The following USP11 variants were observed in gnomAD, a reference collection of about 807,000 sequenced individuals.
USP11 encodes the protein ubiquitin carboxyl-terminal hydrolase 11.
Under a neutral mutation model 72.8 loss-of-function variants are expected in USP11, and 5 were observed. The ratio of observed to expected loss-of-function variants is 0.07; its 90% CI spans 0.04 to 0.14. The LOEUF is 0.14. USP11 is among the 10% of genes least tolerant of loss of function. The probability of loss-of-function intolerance (pLI) is 1.00; values close to 1 mark genes in which losing one functional copy is unlikely to be tolerated. For missense variants in USP11, 480 were observed against 794.7 expected, an observed-to-expected ratio of 0.60 and a Z score of 4.76; for synonymous variants, 368 against 326.5, an observed-to-expected ratio of 1.13 and a Z score of -1.37.
intron 2 of USP11, 36 bp downstream of exon 2, chrX:47,239,215 G>A: frequency 8.4e-7 from 1 of 1,184,919 alleles, no homozygotes; most frequent in Non-Finnish European, 1.1e-6. Flanking sequence ...CCCTAGCCCT[G>A]GAGTTCTTGT....
At chrX:47,243,816 C>A (rs971567392) in intron 13 of USP11, among the ~76,000 whole-genome samples, 2 of 112,114 alleles carry the variant, frequency 1.8e-5, no homozygotes, top group Admixed American at 9.5e-5. Context: ...GAACAAGATG[C>A]ACAAAACAGA....
At chrX:47,245,349 T>C in intron 16 of USP11, 21 bp from the exon 17 acceptor site, 1 of 1,190,431 alleles carries the variant, frequency 8.4e-7, no homozygotes, top group Non-Finnish European at 1.1e-6. Context: ...GCCATCTGGT[T>C]GTCTGTTCAC....
At chrX:47,242,594 C>CT in intron 11 of USP11, 32 bp from the exon 12 acceptor site, 3 of 1,203,964 alleles carry the variant, frequency 2.5e-6, no homozygotes, top group Non-Finnish European at 3.4e-6. Flanking sequence ...GCCGTGCAGA[C>CT]TAACAGTCCC....
At chrX:47,244,304 A>T (rs1296697329) in intron 13 of USP11, among the ~76,000 whole-genome samples, 194 bp from the exon 14 acceptor site, 1 of 110,279 alleles carries the variant, frequency 9.1e-6, no homozygotes, top group Admixed American at 9.7e-5. Flanking sequence ...AAGTTCCTTC[A>T]TTCTCAGGCC....
At chrX:47,242,598 C>T (rs753987575) in intron 11 of USP11, 28 bp from the exon 12 acceptor site, 28 of 1,202,028 alleles carry the variant, frequency 2.3e-5, no homozygotes, top group Non-Finnish European at 2.8e-5. Flanking sequence ...TGCAGACTAA[C>T]AGTCCCCTCT....
chrX:47,242,554 C>A, intron 11 of USP11, 32 bp downstream of exon 11: 1 of 1,209,589 alleles, frequency 8.3e-7, no homozygotes, highest in Non-Finnish European at 1.1e-6. Flanking sequence ...GGATGGGATT[C>A]CAGGGCAAGG....
Position 47,247,304 on chromosome X carries a change from G to T in USP11, c.2421G>T (p.Arg807=). The stretch of plus-strand genomic sequence containing the variant: ...GTATTAACCCTCTCCCCACCCACAG[G>T]GACCTGGACTTCTCTGAGTTTGTCA... The part of the protein sequence containing the change: ...KLDTLVEFPI[R]DLDFSEFVIQ... Residue 807 remains arginine (R), a splice_region_variant and synonymous_variant, in exon 19 of 21, where the codon CGG becomes CGT. Coordinates refer to ENST00000377107, the MANE Select transcript of USP11 (RefSeq NM_001371072.1). 1.7e-6 allele frequency: 2 copies of T among 1,210,997 alleles called. No individual in the cohort carries two copies. The highest frequency in any genetic ancestry group is 2.2e-6 in the Non-Finnish European group (2 of 895,140).
rs1214243924 is a variant in USP11, at chrX:47,247,261, A to G, written c.2420+40A>G. 6 of 1,208,950 alleles carry G rather than the reference A, an allele frequency of 5.0e-6. No individual in the cohort carries two copies. In the African/African-American group the frequency reaches 7.0e-5, roughly 14 times the overall value. On this transcript the variant is annotated intron_variant, in intron 18 of 20. Coordinates refer to ENST00000377107, the MANE Select transcript of USP11 (RefSeq NM_001371072.1). Reference sequence around the variant, plus strand: ...AGAGGATGGCTGGGGGAAGGCAGGGAAAGGAGGGGGTGTACCAGTATTAAC... The same window carrying G: ...AGAGGATGGCTGGGGGAAGGCAGGGGAAGGAGGGGGTGTACCAGTATTAAC...
At position 47,242,191 on chromosome X, in the gene USP11, A is replaced by G. The variant is rs781511382; in HGVS notation, c.1289A>G (p.Asn430Ser). The change falls in exon 10 of 21, where the codon AAT becomes AGT. Residue 430 changes from asparagine to serine, a missense_variant. Physicochemically the swap from Asn to Ser is conservative, Grantham distance 46. Transcript: ENST00000377107. ...KSTLVCPDCGNVSVTFDPFCY... is the reference protein window; with the variant it reads ...KSTLVCPDCGSVSVTFDPFCY... ...ACGCTGGTGTGCCCCGATTGTGGCAATGTATCTGTGACCTTCGACCCCTTC... is the reference window on the plus strand; with the variant it reads ...ACGCTGGTGTGCCCCGATTGTGGCAGTGTATCTGTGACCTTCGACCCCTTC... 3.3e-6 allele frequency: 4 copies of G among 1,209,860 alleles called. No individual in the cohort carries two copies. Among genetic ancestry groups the G allele is most frequent in the South Asian group, 3.5e-5 (2 of 56,694 alleles).
chrX:47,245,321 C>T, intron 16 of USP11, 49 bp from the exon 17 acceptor site: 1 of 1,114,533 alleles, frequency 9.0e-7, no homozygotes, highest in Non-Finnish European at 1.2e-6. Flanking sequence ...CCCATTTCTC[C>T]ATCTGTCCTC....
chrX:47,233,268 T>C lies in USP11; in HGVS notation c.176+49T>C, dbSNP rs929628243. On this transcript the variant is annotated intron_variant, in intron 1 of 20. Transcript: ENST00000377107. ...CTCGGCAGAGGGAACGGTGGGGGCA[T>C]TGACAACCGCTGGGGATTCGGCGGC... 32 of 1,112,271 alleles carry C rather than the reference T, an allele frequency of 2.9e-5. No individual in the cohort carries two copies. In the African/African-American group the frequency reaches 4.9e-4, roughly 17 times the overall value. 91.7% of individuals were successfully genotyped at this position (1,112,271 alleles called of 1,213,427 possible). A position where few individuals can be genotyped will look rare whatever the true frequency, so the allele number is the denominator to read the frequency against.
At chrX:47,235,558 G>A (rs2055368251) in intron 1 of USP11, among the ~76,000 whole-genome samples, 1 of 110,063 alleles carries the variant, frequency 9.1e-6, no homozygotes, top group Non-Finnish European at 1.9e-5. Flanking sequence ...TATGAAGCTG[G>A]TCTCCTGCTT....
intron 16 of USP11, 30 bp from the exon 17 acceptor site, chrX:47,245,340 C>T: frequency 8.6e-7 from 1 of 1,164,927 alleles, no homozygotes; most frequent in Non-Finnish European, 1.2e-6. Flanking sequence ...TCACAGCCGG[C>T]CATCTGGTTG....
At chrX:47,233,556 G>A (rs2055356501) in intron 1 of USP11, 2 of 881,283 alleles carry the variant, frequency 2.3e-6, no homozygotes, top group African/African-American at 4.2e-5. Flanking sequence ...ACATAAGGCG[G>A]GGGCGCGGCC....
In USP11 at chrX:47,244,887, G is replaced by A; in HGVS notation, c.2049G>A (p.Gly683=). Residue 683 remains glycine (G), a synonymous_variant, in exon 15 of 21, where the codon GGG becomes GGA. Transcript: ENST00000377107. ...LFTLQTVNSN[G]TSDRTTSPEE... ...CCCTGCAGACGGTGAACTCCAATGGGACCAGCGACCGCACAACCTCCCCTG... is the reference window on the plus strand; with the variant it reads ...CCCTGCAGACGGTGAACTCCAATGGAACCAGCGACCGCACAACCTCCCCTG... 1.7e-6 allele frequency: 2 copies of A among 1,211,710 alleles called. No homozygotes were observed. The highest frequency in any genetic ancestry group is 2.2e-6 in the Non-Finnish European group (2 of 895,511).
At chrX:47,235,915 C>G (rs1382090569) in intron 1 of USP11, among the ~76,000 whole-genome samples, 1 of 111,702 alleles carries the variant, frequency 9.0e-6, no homozygotes, top group Non-Finnish European at 1.9e-5. Flanking sequence ...TTCAAAAGGG[C>G]CTTGAGGCTT....
intron 9 of USP11, 96 bp downstream of exon 9, chrX:47,241,795 T>A: frequency 9.8e-7 from 1 of 1,019,214 alleles, no homozygotes; most frequent in Non-Finnish European, 1.3e-6. Flanking sequence ...ACGCCACCAT[T>A]TTCTGTTAAG....
At chrX:47,245,170 G>A in intron 16 of USP11, 84 bp downstream of exon 16, 2 of 1,111,876 alleles carry the variant, frequency 1.8e-6, no homozygotes, top group Non-Finnish European at 2.4e-6. Context: ...TCCTCTAGCT[G>A]GGAACAGAGC....
chrX:47,241,932 C>T (rs1257789126), intron 9 of USP11, 150 bp from the exon 10 acceptor site: 7 of 735,361 alleles, frequency 9.5e-6, no homozygotes, highest in African/African-American at 8.5e-5. Flanking sequence ...CAGTCTTGAC[C>T]GTGAACATAG....
Sources: gnomAD v4.1 joint callset for allele counts (sites outside exome capture counted in the v4.1 genomes callset) on GRCh38, gnomAD v4.1.1 for gene constraint, MANE v1.5 for transcripts, NCBI Gene and HGNC (gene_info 2026-07-23, HGNC 2026-07-21) for gene names.